Variants in GPC5 observed in about 807,000 individuals in gnomAD.
GPC5 encodes glypican 5, also known as glypican-5.
In GPC5, 47 loss-of-function variants were observed where a neutral mutation model predicts 53.9. That is an observed-to-expected ratio of 0.87 (90% CI 0.69 to 1.11). The LOEUF (loss-of-function observed/expected upper bound fraction) is 1.11. Among genes scored for constraint, GPC5 ranks in the 50% most tolerant of loss-of-function variants. GPC5 has a pLI of 0.00. For synonymous variants in GPC5, 286 were observed against 263.3 expected, an observed-to-expected ratio of 1.09 and a Z score of -0.84; for missense variants, 748 against 713.1, an observed-to-expected ratio of 1.05 and a Z score of -0.56.
intron 6 of GPC5, among the ~76,000 whole-genome samples, chr13:91,911,081 CT>C (rs2039605536): frequency 6.6e-6 from 1 of 152,054 alleles, no homozygotes; most frequent in Non-Finnish European, 1.5e-5. Flanking sequence ...GCGCAAAGGT[CT>C]TGTGGCAGGA....
chr13:91,883,865 G>A (rs2039294216), intron 5 of GPC5, among the ~76,000 whole-genome samples: 1 of 152,004 alleles, frequency 6.6e-6, no homozygotes, highest in Non-Finnish European at 1.5e-5. Context: ...GGGGTTTGTT[G>A]TACGGATTAT....
At chr13:92,555,172 A>C (rs567736806) in intron 7 of GPC5, among the ~76,000 whole-genome samples, 1 of 151,514 alleles carries the variant, frequency 6.6e-6, no homozygotes, top group Non-Finnish European at 1.5e-5. Context: ...AACTGTAAGA[A>C]GATACATACA....
chr13:92,705,781 C>T (rs1205455732), intron 7 of GPC5, among the ~76,000 whole-genome samples: 1 of 151,960 alleles, frequency 6.6e-6, no homozygotes, highest in African/African-American at 2.4e-5. Flanking sequence ...AGTGAGTTTG[C>T]AAGCTTTTAA....
At chr13:92,094,396 T>G (rs1411949520) in intron 6 of GPC5, among the ~76,000 whole-genome samples, 2 of 151,722 alleles carry the variant, frequency 1.3e-5, no homozygotes, top group Non-Finnish European at 2.9e-5. Flanking sequence ...GGCGCACACC[T>G]GTAGTCCCAG....
intron 4 of GPC5, among the ~76,000 whole-genome samples, chr13:91,732,329 C>T (rs1295009114): frequency 2.0e-5 from 3 of 148,480 alleles, no homozygotes; most frequent in African/African-American, 7.4e-5. Context: ...GCATAAATGT[C>T]TTCTCTTGAA....
chr13:92,329,691 A>T (rs1446487020), intron 7 of GPC5, among the ~76,000 whole-genome samples: 1 of 152,196 alleles, frequency 6.6e-6, no homozygotes, highest in Non-Finnish European at 1.5e-5. Flanking sequence ...GTGTTTATTC[A>T]TTCACTTTAA....
intron 6 of GPC5, among the ~76,000 whole-genome samples, chr13:92,106,596 G>A (rs1325428624): frequency 1.3e-5 from 2 of 152,044 alleles, no homozygotes; most frequent in Admixed American, 1.3e-4. Flanking sequence ...CAATGGAAGA[G>A]TTAACAAGGA....
At chr13:91,885,076 C>T (rs190289239) in intron 5 of GPC5, among the ~76,000 whole-genome samples, 3 of 152,016 alleles carry the variant, frequency 2.0e-5, no homozygotes, top group South Asian at 2.1e-4. Context: ...TTAACTGAAT[C>T]GATTGTCCCC....
chr13:91,959,246 C>A (rs1458406792), intron 6 of GPC5, among the ~76,000 whole-genome samples: 1 of 151,760 alleles, frequency 6.6e-6, no homozygotes, highest in African/African-American at 2.4e-5. Flanking sequence ...CACAGAAATA[C>A]AAAGATCATC....
At chr13:92,201,349 G>A (rs1484369584) in intron 7 of GPC5, among the ~76,000 whole-genome samples, 1 of 152,310 alleles carries the variant, frequency 6.6e-6, no homozygotes, top group African/African-American at 2.4e-5. Context: ...GTTGGCCGAG[G>A]AGCAGCCATG....
intron 7 of GPC5, among the ~76,000 whole-genome samples, chr13:92,847,614 T>C (rs1048888203): frequency 1.3e-5 from 2 of 152,026 alleles, no homozygotes; most frequent in African/African-American, 4.8e-5. Flanking sequence ...TGGGGAACCA[T>C]GAGCCATTAA....
intron 7 of GPC5, among the ~76,000 whole-genome samples, chr13:92,303,087 G>T (rs2043086140): frequency 6.6e-6 from 1 of 151,662 alleles, no homozygotes; most frequent in Admixed American, 6.6e-5. Flanking sequence ...CATTTTCATT[G>T]TTTTTTTCCC....
intron 7 of GPC5, among the ~76,000 whole-genome samples, chr13:92,502,151 G>A (rs1247410761): frequency 1.3e-5 from 2 of 152,016 alleles, no homozygotes; most frequent in South Asian, 4.1e-4. Context: ...AGTGAGAAAA[G>A]TTAAGTATTT....
In GPC5 at chr13:91,768,100, T is replaced by C. The variant is rs186317659; in HGVS notation, c.1280+11680T>C. The stretch of plus-strand genomic sequence containing the variant: ...TTAGTCTAGTTCCAGTGTTTCCATA[T>C]CATAGCATATAAATTCACTGTTGAA... On this transcript the variant is annotated intron_variant, in intron 5 of 7. Transcript: ENST00000377067. 3.2e-3 allele frequency among the ~76,000 whole-genome samples: 491 copies of C among 152,298 alleles called. 2 individuals are homozygous for C. The highest frequency in any genetic ancestry group is 0.011 in the African/African-American group (465 of 41,564).
intron 2 of GPC5, among the ~76,000 whole-genome samples, chr13:91,454,624 A>G (rs1881409713): frequency 6.6e-6 from 1 of 152,136 alleles, no homozygotes; most frequent in African/African-American, 2.4e-5. Flanking sequence ...CTCAGCAAAT[A>G]TAATTAAATG....
At chr13:92,079,639 T>A (rs2041279852) in intron 6 of GPC5, among the ~76,000 whole-genome samples, 1 of 152,226 alleles carries the variant, frequency 6.6e-6, no homozygotes, top group African/African-American at 2.4e-5. Context: ...TCTGCACCTG[T>A]GGTGTTCTGG....
intron 7 of GPC5, among the ~76,000 whole-genome samples, chr13:92,479,258 C>T (rs1455207240): frequency 6.6e-6 from 1 of 152,084 alleles, no homozygotes; most frequent in Admixed American, 6.6e-5. Flanking sequence ...CGATTGGGCC[C>T]AGGAGACAGT....
chr13:92,559,155 G>T (rs1254843600), intron 7 of GPC5, among the ~76,000 whole-genome samples: 2 of 151,840 alleles, frequency 1.3e-5, no homozygotes, highest in Non-Finnish European at 2.9e-5. Flanking sequence ...GGACGAAAAT[G>T]AAAGGGACAA....
At chr13:92,855,550 C>T (rs1878969697) in intron 7 of GPC5, among the ~76,000 whole-genome samples, 1 of 151,754 alleles carries the variant, frequency 6.6e-6, no homozygotes, top group South Asian at 2.1e-4. Context: ...TTACAACTTT[C>T]ATACCACTCT....
Sources: gnomAD v4.1 joint callset for allele counts (sites outside exome capture counted in the v4.1 genomes callset) on GRCh38, gnomAD v4.1.1 for gene constraint, MANE v1.5 for transcripts, NCBI Gene and HGNC (gene_info 2026-07-23, HGNC 2026-07-21) for gene names.